The following LRRC4C variants were observed in gnomAD, a reference collection of about 807,000 sequenced individuals.
The protein encoded by LRRC4C is leucine rich repeat containing 4C.
Under a neutral mutation model 33.6 loss-of-function variants are expected in LRRC4C, and 5 were observed. The ratio of observed to expected loss-of-function variants is 0.15; its 90% confidence interval spans 0.08 to 0.31. LRRC4C has a LOEUF of 0.31. Among genes scored for constraint, LRRC4C ranks in the 10% least tolerant of loss-of-function variants. The probability of loss-of-function intolerance (pLI) is 1.00; values close to 1 mark genes in which losing one functional copy is unlikely to be tolerated. For synonymous variants in LRRC4C, 329 were observed against 302.0 expected, an observed-to-expected ratio of 1.09 and a Z score of -0.93; for missense variants, 560 against 796.7, an observed-to-expected ratio of 0.70 and a Z score of 3.58.
chr11:40,895,241 C>A (rs1285948128), intron 2 of LRRC4C, among the ~76,000 whole-genome samples: 1 of 151,914 alleles, frequency 6.6e-6, no homozygotes, highest in Non-Finnish European at 1.5e-5. Flanking sequence ...TGTTAGATAC[C>A]TGGTCAAATT....
At chr11:41,368,833 C>A (rs1952638653) in intron 1 of LRRC4C, among the ~76,000 whole-genome samples, 2 of 152,178 alleles carry the variant, frequency 1.3e-5, no homozygotes, top group South Asian at 4.1e-4. Flanking sequence ...TCATTTGTTG[C>A]AGGAGGCATA....
At chr11:40,139,183 A>C (rs1590488989) in intron 6 of LRRC4C, among the ~76,000 whole-genome samples, 1 of 151,868 alleles carries the variant, frequency 6.6e-6, no homozygotes, top group African/African-American at 2.4e-5. Context: ...AAGAAGACAC[A>C]TACACAGAGT....
intron 5 of LRRC4C, among the ~76,000 whole-genome samples, chr11:40,182,450 T>C (rs1188405904): frequency 6.6e-6 from 1 of 152,240 alleles, no homozygotes; most frequent in Non-Finnish European, 1.5e-5. Flanking sequence ...CTCTTTATTA[T>C]CTCAGCATAA....
rs767560861 is a variant in LRRC4C at position 41,283,936 on chromosome 11, A to T, written c.-496+175495T>A. On this transcript the variant is annotated intron_variant, in intron 1 of 6. Transcript: ENST00000528697. ...CCTATCTTTTAGGGTTTTTGTAATC[A>T]TTGCATTGTAATTCATGACATGCTT... is the stretch of plus-strand genomic sequence containing the variant. 4.6e-5 allele frequency among the ~76,000 whole-genome samples: 7 copies of T among 152,328 alleles called. No homozygotes were observed. In the East Asian group the frequency reaches 1.2e-3, roughly 25 times the overall value.
chr11:40,190,748 G>A (rs1381795123), intron 5 of LRRC4C, among the ~76,000 whole-genome samples: 3 of 152,112 alleles, frequency 2.0e-5, no homozygotes, highest in Admixed American at 2.0e-4. Context: ...TCTTGAATAA[G>A]CAAATAGTTA....
At chr11:40,156,888 A>AT (rs1858743380) in intron 5 of LRRC4C, among the ~76,000 whole-genome samples, 1 of 152,014 alleles carries the variant, frequency 6.6e-6, no homozygotes, top group Admixed American at 6.6e-5. Context: ...ATACCACACA[A>AT]TTTTTTACAG....
intron 1 of LRRC4C, among the ~76,000 whole-genome samples, chr11:41,129,461 C>A (rs1475853503): frequency 6.6e-6 from 1 of 151,812 alleles, no homozygotes; most frequent in Non-Finnish European, 1.5e-5. Flanking sequence ...TTCAGCACAC[C>A]TACCTTTGTT....
intron 3 of LRRC4C, among the ~76,000 whole-genome samples, chr11:40,641,090 T>C (rs16935022): frequency 0.013 from 1,904 of 151,318 alleles, 57 homozygotes; most frequent in African/African-American, 0.044. Flanking sequence ...CATAATAGGA[T>C]AGTCTTCAGT....
At chr11:40,390,312 C>A (rs957118319) in intron 3 of LRRC4C, among the ~76,000 whole-genome samples, 1 of 152,144 alleles carries the variant, frequency 6.6e-6, no homozygotes, top group African/African-American at 2.4e-5. Flanking sequence ...AGCTTAATCT[C>A]GAGTGTTAAA....
intron 1 of LRRC4C, among the ~76,000 whole-genome samples, chr11:41,045,496 C>T (rs1185039690): frequency 6.6e-6 from 1 of 152,076 alleles, no homozygotes; most frequent in Admixed American, 6.6e-5. Flanking sequence ...GACGTTCGTG[C>T]CTTTAATCTG....
At chr11:40,696,874 A>G (rs1444854723) in intron 2 of LRRC4C, among the ~76,000 whole-genome samples, 1 of 149,962 alleles carries the variant, frequency 6.7e-6, no homozygotes, top group Non-Finnish European at 1.5e-5. Flanking sequence ...CTACAGGCAC[A>G]TGGAGTATTA....
chr11:41,412,043 T>C (rs565718840), intron 1 of LRRC4C, among the ~76,000 whole-genome samples: 1 of 152,332 alleles, frequency 6.6e-6, no homozygotes, highest in South Asian at 2.1e-4. Context: ...TACAGGTACA[T>C]GACAGTAATG....
intron 1 of LRRC4C, among the ~76,000 whole-genome samples, chr11:41,264,794 G>T (rs576505244): frequency 6.6e-6 from 1 of 152,214 alleles, no homozygotes; most frequent in East Asian, 1.9e-4. Context: ...TAGAAACAGA[G>T]AAAAATCCAA....
Position 40,114,925 on chromosome 11 carries a change from G to A in LRRC4C, c.1368C>T (p.Thr456=), listed in dbSNP as rs141279332. ...ATTTPFSYFS[T]VTVETMEPSQ... ...ACGGTTCCATAGTCTCTACTGTGAC[G>A]GTTGAAAAGTAAGAGAAAGGAGTAG... The change falls in exon 7 of 7, where the codon ACC becomes ACT. Residue 456 remains threonine, a synonymous_variant. Transcript: ENST00000528697. 215 of 1,614,148 alleles carry A rather than the reference G, an allele frequency of 1.3e-4. 2 individuals are homozygous for A. Among genetic ancestry groups the A allele is most frequent in the Middle Eastern group, 5.0e-4 (3 of 6,060 alleles).
At chr11:41,167,577 TAATC>T (rs1019489138) in intron 1 of LRRC4C, among the ~76,000 whole-genome samples, 3 of 152,194 alleles carry the variant, frequency 2.0e-5, no homozygotes, top group Non-Finnish European at 4.4e-5. Flanking sequence ...CTTCAGCACT[TAATC>T]AACTCCACAA....
chr11:40,760,939 C>G (rs899272740), intron 2 of LRRC4C, among the ~76,000 whole-genome samples: 1 of 149,448 alleles, frequency 6.7e-6, no homozygotes, highest in Non-Finnish European at 1.5e-5. Context: ...TTTCTGGTCT[C>G]AAACTCCTGA....
rs189492283 is a variant in LRRC4C at position 40,790,369 on chromosome 11, C to T, written c.-406-142091G>A. Among the ~76,000 whole-genome samples the T allele has an allele frequency of 2.3e-3, 355 of 152,304 alleles. 6 individuals are homozygous for T. The highest frequency in any genetic ancestry group is 5.0e-4 in the Non-Finnish European group (34 of 68,018). ...GATTTATATGATAACTACATAATCTCATTAATAGAAATCTGTGTTCCTTTG... is the reference window on the plus strand; with the variant it reads ...GATTTATATGATAACTACATAATCTTATTAATAGAAATCTGTGTTCCTTTG... On this transcript the variant is annotated intron_variant, in intron 2 of 6. Transcript: ENST00000528697.
intron 3 of LRRC4C, among the ~76,000 whole-genome samples, chr11:40,584,697 C>T (rs748282575): frequency 3.6e-4 from 55 of 151,908 alleles, no homozygotes; most frequent in Non-Finnish European, 6.9e-4. Context: ...TTTTGGAGGC[C>T]GAGGCGGGTG....
At chr11:41,233,809 A>G (rs1411962929) in intron 1 of LRRC4C, among the ~76,000 whole-genome samples, 1 of 152,030 alleles carries the variant, frequency 6.6e-6, no homozygotes, top group Non-Finnish European at 1.5e-5. Flanking sequence ...GGGGAAAAAA[A>G]TTGTGAAATT....
Sources: allele counts gnomAD v4.1 joint callset (sites outside exome capture counted in the v4.1 genomes callset), GRCh38; gene constraint gnomAD v4.1.1; transcripts MANE v1.5; gene names NCBI Gene and HGNC (gene_info 2026-07-23, HGNC 2026-07-21).